The following CAMK1D variants were observed in gnomAD, a reference collection of about 807,000 sequenced individuals.
The protein encoded by CAMK1D is calcium/calmodulin dependent protein kinase ID.
In CAMK1D, 9 loss-of-function variants were observed where a neutral mutation model predicts 47.7. That is an observed-to-expected ratio of 0.19 (90% CI 0.11 to 0.33). The LOEUF (loss-of-function observed/expected upper bound fraction) is 0.33. Ranked by LOEUF, CAMK1D falls within the 10% of genes least tolerant of loss-of-function variation. The pLI, the probability that CAMK1D is intolerant of heterozygous loss-of-function variation, is 1.00. For missense variants in CAMK1D, 291 were observed against 488.7 expected (o/e 0.60, Z 3.81); for synonymous variants, 184 against 184.9 (o/e 0.99, Z 0.04).
chr10:12,585,655 G>A (rs1392541264), intron 2 of CAMK1D, among the ~76,000 whole-genome samples: 1 of 152,150 alleles, frequency 6.6e-6, no homozygotes, highest in Admixed American at 6.5e-5. Context: ...AAAACCATTA[G>A]ATCTCATGAG....
intron 1 of CAMK1D, among the ~76,000 whole-genome samples, chr10:12,404,264 C>T (rs549276664): frequency 2.0e-5 from 3 of 152,168 alleles, no homozygotes; most frequent in African/African-American, 7.2e-5. Flanking sequence ...GGGCTGGTCT[C>T]GAACTCCTGA....
chr10:12,531,056 T>TA (rs11373354), intron 1 of CAMK1D, among the ~76,000 whole-genome samples: 84,500 of 140,974 alleles, frequency 0.6, 25,044 homozygotes, highest in South Asian at 0.72. Context: ...AGACTCTGCT[T>TA]AAAAAAAAAA....
chr10:12,511,692 C>T (rs947282869), intron 1 of CAMK1D, among the ~76,000 whole-genome samples: 2 of 152,206 alleles, frequency 1.3e-5, no homozygotes, highest in Non-Finnish European at 2.9e-5. Flanking sequence ...GGGTGATGCC[C>T]AGACATTGTT....
chr10:12,662,651 C>CAAAAAATAAAAAAAAAAAAAA (rs1840307820), intron 2 of CAMK1D, among the ~76,000 whole-genome samples: 1 of 140,434 alleles, frequency 7.1e-6, no homozygotes, highest in Non-Finnish European at 1.6e-5. Flanking sequence ...CACTCTGCCT[C>CAAAAAATAAAAAAAAAAAAAA]AAAAAAAAAA....
chr10:12,428,466 T>C (rs924060479), intron 1 of CAMK1D, among the ~76,000 whole-genome samples: 1 of 151,854 alleles, frequency 6.6e-6, no homozygotes, highest in African/African-American at 2.4e-5. Context: ...AGGTGCCCGT[T>C]TCTCTCTCTC....
intron 2 of CAMK1D, among the ~76,000 whole-genome samples, chr10:12,665,474 C>T (rs1840400444): frequency 6.6e-6 from 1 of 152,200 alleles, no homozygotes; most frequent in South Asian, 2.1e-4. Context: ...AGCATTTATT[C>T]AGCAGATCTG....
chr10:12,576,967 A>G (rs1457793004), intron 2 of CAMK1D, among the ~76,000 whole-genome samples: 2 of 152,162 alleles, frequency 1.3e-5, no homozygotes, highest in Non-Finnish European at 2.9e-5. Flanking sequence ...ACAGAGCCCC[A>G]AAACCCAGCC....
chr10:12,554,252 G>T lies in CAMK1D; in HGVS notation c.224+896G>T, dbSNP rs1780993814. Among the ~76,000 whole-genome samples, 5 of 73,146 alleles carry T rather than the reference G, an allele frequency of 6.8e-5. 2 individuals carry two copies. Among genetic ancestry groups the T allele is most frequent in the Non-Finnish European group, 2.0e-4 (5 of 24,878 alleles). The allele number at this position is 73,146 out of a possible 152,430, so 48.0% of individuals were successfully genotyped here. ...AGCTCACTGCAACTTCCACCTCCTGGCTTCAAGCGATTCTCCCGCCTCAGC... is the reference window on the plus strand; with the variant it reads ...AGCTCACTGCAACTTCCACCTCCTGTCTTCAAGCGATTCTCCCGCCTCAGC... On this transcript the variant is annotated intron_variant, in intron 2 of 10. Transcript: ENST00000619168.
At chr10:12,375,891 G>C (rs1034279141) in intron 1 of CAMK1D, among the ~76,000 whole-genome samples, 1 of 152,006 alleles carries the variant, frequency 6.6e-6, no homozygotes, top group Non-Finnish European at 1.5e-5. Flanking sequence ...AGCCGGGCAC[G>C]GTGGCTCACA....
At chr10:12,660,970 C>T (rs1275994092) in intron 2 of CAMK1D, among the ~76,000 whole-genome samples, 1 of 152,208 alleles carries the variant, frequency 6.6e-6, no homozygotes, top group East Asian at 1.9e-4. Flanking sequence ...CTATAACTGA[C>T]ATCTCTGCCT....
intron 1 of CAMK1D, among the ~76,000 whole-genome samples, chr10:12,515,418 C>CTTTTTTTTTTTT (rs55732103): frequency 1.0e-5 from 1 of 99,008 alleles, no homozygotes; most frequent in African/African-American, 4.0e-5. Flanking sequence ...TTTTTTTTTT[C>CTTTTTTTTTTTT]TTTTTTTTTT....
rs142332252 is a variant in CAMK1D at position 12,366,457 on chromosome 10, C to T, written c.92+16547C>T. 1.6e-3 allele frequency among the ~76,000 whole-genome samples: 247 copies of T among 151,538 alleles called. 1 individual carries two copies. Among genetic ancestry groups the T allele is most frequent in the African/African-American group, 5.5e-3 (225 of 41,274 alleles). On this transcript the variant is annotated intron_variant, in intron 1 of 10. Transcript: ENST00000619168. ...ATCACTTGAGGACAGGAGTTTGAGACGAGCCTGGCCAACATAGTGAAACCC... is the reference window on the plus strand; with the variant it reads ...ATCACTTGAGGACAGGAGTTTGAGATGAGCCTGGCCAACATAGTGAAACCC...
At chr10:12,518,092 CCTGTTTTTTCT>C (rs1301139051) in intron 1 of CAMK1D, among the ~76,000 whole-genome samples, 1 of 152,192 alleles carries the variant, frequency 6.6e-6, no homozygotes, top group East Asian at 1.9e-4. Flanking sequence ...ATCCAGATTG[CCTGTTTTTTCT>C]CAAGTGGTAG....
At chr10:12,597,915 G>A (rs1023293313) in intron 2 of CAMK1D, among the ~76,000 whole-genome samples, 5 of 152,172 alleles carry the variant, frequency 3.3e-5, no homozygotes, top group African/African-American at 7.2e-5. Flanking sequence ...TGTTGGCATC[G>A]TTATCAAACA....
At chr10:12,367,398 G>C (rs973612723) in intron 1 of CAMK1D, among the ~76,000 whole-genome samples, 1 of 152,014 alleles carries the variant, frequency 6.6e-6, no homozygotes, top group Non-Finnish European at 1.5e-5. Flanking sequence ...GACGAGGGGT[G>C]GGGGGATGGT....
chr10:12,645,343 C>T (rs1436642810), intron 2 of CAMK1D, among the ~76,000 whole-genome samples: 3 of 152,152 alleles, frequency 2.0e-5, no homozygotes, highest in African/African-American at 7.2e-5. Context: ...AGTCTGTGAA[C>T]GTCTTCACTT....
At chr10:12,422,141 C>T (rs1348259231) in intron 1 of CAMK1D, among the ~76,000 whole-genome samples, 1 of 152,038 alleles carries the variant, frequency 6.6e-6, no homozygotes, top group African/African-American at 2.4e-5. Context: ...CTGATCATGC[C>T]CTTGTGGTTT....
chr10:12,435,047 G>C (rs1195249420), intron 1 of CAMK1D, among the ~76,000 whole-genome samples: 1 of 151,886 alleles, frequency 6.6e-6, no homozygotes, highest in African/African-American at 2.4e-5. Flanking sequence ...GTGAAACACT[G>C]TCCCTACTAA....
chr10:12,783,847 G>T (rs976365442), intron 5 of CAMK1D, among the ~76,000 whole-genome samples: 1 of 152,056 alleles, frequency 6.6e-6, no homozygotes, highest in Admixed American at 6.6e-5. Flanking sequence ...GTGGGCTGGT[G>T]GTGAGTCTCA....
Sources: gnomAD v4.1 joint callset for allele counts (sites outside exome capture counted in the v4.1 genomes callset) on GRCh38, gnomAD v4.1.1 for gene constraint, MANE v1.5 for transcripts, NCBI Gene and HGNC (gene_info 2026-07-23, HGNC 2026-07-21) for gene names.